KCNQ1: variants seen among roughly 807,000 people sequenced by gnomAD.
The protein encoded by KCNQ1 is potassium voltage-gated channel subfamily KQT member 1.
KCNQ1 carries 49 observed loss-of-function variants against 72.4 expected under a neutral mutation model. That is an observed-to-expected ratio of 0.68 (90% CI 0.54 to 0.86). The LOEUF (loss-of-function observed/expected upper bound fraction) is 0.86, where lower values mean the gene tolerates loss of function less well. Among genes scored for constraint, KCNQ1 ranks in the 40% least tolerant of loss-of-function variants. KCNQ1 has a pLI of 0.00. For missense variants in KCNQ1, 790 were observed against 945.1 expected (o/e 0.84, Z 2.15); for synonymous variants, 450 against 412.6 (o/e 1.09, Z -1.10).
At chr11:2,596,589 C>CAA (rs113199425) in intron 10 of KCNQ1, among the ~76,000 whole-genome samples, 3 of 127,416 alleles carry the variant, frequency 2.4e-5, no homozygotes, top group African/African-American at 5.7e-5. Context: ...AGAAGCCAGA[C>CAA]AAAAAAAAAA....
intron 10 of KCNQ1, chr11:2,625,520 C>T (rs1458358175): frequency 1.3e-5 from 5 of 397,342 alleles, no homozygotes; most frequent in South Asian, 1.3e-4. Flanking sequence ...CAACTTTTCA[C>T]GTACTATTAT....
Position 2,781,971 on chromosome 11 carries a change from A to G in KCNQ1, c.1794+3934A>G, listed in dbSNP as rs1392530193. 1.3e-5 allele frequency among the ~76,000 whole-genome samples: 2 copies of G among 152,050 alleles called. No homozygotes were observed. The highest frequency in any genetic ancestry group is 2.9e-5 in the Non-Finnish European group (2 of 67,984). On this transcript the variant is annotated intron_variant, in intron 15 of 15. Coordinates refer to ENST00000155840, the MANE Select transcript of KCNQ1 (RefSeq NM_000218.3). This position sits in a 1 kb window ranked among gnomAD's most constrained non-coding sequence, Gnocchi z 6.6. Reference sequence around the variant, plus strand: ...GGACTCCCAAAACCACACCCTGCCCATGCCTTTACCAAGCTTCGTGCATGA... The same window carrying G: ...GGACTCCCAAAACCACACCCTGCCCGTGCCTTTACCAAGCTTCGTGCATGA...
At chr11:2,590,210 A>G (rs1589970438) in intron 10 of KCNQ1, among the ~76,000 whole-genome samples, 1 of 152,192 alleles carries the variant, frequency 6.6e-6, no homozygotes, top group East Asian at 1.9e-4. Context: ...TTGTCTTCCC[A>G]GGAGAAAACA....
In KCNQ1 at chr11:2,536,442, A is replaced by G. The variant is rs1204561074; in HGVS notation, c.477+8424A>G. Among the ~76,000 whole-genome samples the G allele has an allele frequency of 6.6e-6, 1 of 151,974 alleles. No individual in the cohort carries two copies. The highest frequency in any genetic ancestry group is 1.9e-4 in the East Asian group (1 of 5,140). ...GGAGGCTGGCGCTGCCCTGCCCCACAGGGTGGCTGGCAGGGCTCAGCAGTT... is the reference window on the plus strand; with the variant it reads ...GGAGGCTGGCGCTGCCCTGCCCCACGGGGTGGCTGGCAGGGCTCAGCAGTT... On this transcript the variant is annotated intron_variant, in intron 2 of 15. Transcript: ENST00000155840. This position sits in a 1 kb window ranked among gnomAD's most constrained non-coding sequence, Gnocchi z 7.4.
chr11:2,754,009 C>G (rs965862121), intron 11 of KCNQ1, among the ~76,000 whole-genome samples: 7 of 152,176 alleles, frequency 4.6e-5, no homozygotes, highest in Non-Finnish European at 8.8e-5. Flanking sequence ...AGGACTTGAG[C>G]AGACATTTCT....
intron 1 of KCNQ1, among the ~76,000 whole-genome samples, chr11:2,485,315 G>A (rs1206081088): frequency 6.6e-6 from 1 of 151,994 alleles, no homozygotes; most frequent in Non-Finnish European, 1.5e-5. Flanking sequence ...AGTGTCCTCA[G>A]AGGAGAGCCA....
At chr11:2,756,981 A>AAAAAAAAAAAAAAAAAC (rs58902386) in intron 11 of KCNQ1, among the ~76,000 whole-genome samples, 2 of 115,176 alleles carry the variant, frequency 1.7e-5, no homozygotes. Context: ...AAAAAAAAAA[A>AAAAAAAAAAAAAAAAAC]CCCACAGCTA....
rs182087992 is a variant in KCNQ1, at chr11:2,826,143, G to C, written c.1795-21624G>C. Among the ~76,000 whole-genome samples the C allele has an allele frequency of 6.6e-6, 1 of 152,262 alleles. No homozygotes were observed. The highest frequency in any genetic ancestry group is 1.9e-4 in the East Asian group (1 of 5,194). ...ATGCCAATGTCTTGAGTAATTATTG[G>C]GGGGCGGGGGCTGTCCAGCCCGCAG... On this transcript the variant is annotated intron_variant, in intron 15 of 15. Coordinates refer to ENST00000155840, the MANE Select transcript of KCNQ1 (RefSeq NM_000218.3). This position sits in a 1 kb window ranked among gnomAD's most constrained non-coding sequence, Gnocchi z 4.2.
At chr11:2,733,792 A>ACACACACT (rs1845894301) in intron 11 of KCNQ1, among the ~76,000 whole-genome samples, 1 of 65,484 alleles carries the variant, frequency 1.5e-5, no homozygotes, top group Admixed American at 1.3e-4. Context: ...ACACACACAC[A>ACACACACT]CACACACACA....
chr11:2,685,753 G>A (rs1004509363), intron 11 of KCNQ1: 15 of 398,718 alleles, frequency 3.8e-5, no homozygotes, highest in African/African-American at 2.7e-4. Flanking sequence ...CAGCAGGCAG[G>A]CATCCTCCCA....
intron 11 of KCNQ1, among the ~76,000 whole-genome samples, chr11:2,765,602 C>T (rs1305721245): frequency 6.6e-6 from 1 of 152,190 alleles, no homozygotes; most frequent in East Asian, 1.9e-4. Flanking sequence ...CCACCATTTT[C>T]TCTTTTAGCT....
chr11:2,701,936 C>T (rs745695087), intron 11 of KCNQ1, among the ~76,000 whole-genome samples: 1 of 152,204 alleles, frequency 6.6e-6, no homozygotes. Flanking sequence ...AGATAGGAAA[C>T]GAGAGAGATT....
At chr11:2,555,168 G>C (rs914574854) in intron 2 of KCNQ1, among the ~76,000 whole-genome samples, 2 of 152,224 alleles carry the variant, frequency 1.3e-5, no homozygotes, top group African/African-American at 4.8e-5. Context: ...CTCTCCCCAA[G>C]TCAAAAGAAG....
chr11:2,733,814 A>ACACACACACACTCTCACTCTCTCT, intron 11 of KCNQ1, among the ~76,000 whole-genome samples: 1 of 86,660 alleles, frequency 1.2e-5, no homozygotes, highest in East Asian at 3.2e-4. Flanking sequence ...ACACACACAC[A>ACACACACACACTCTCACTCTCTCT]CTCTCTCACT....
chr11:2,599,002 C>T lies in KCNQ1; in HGVS notation c.1393+10148C>T, dbSNP rs1257329077. On this transcript the variant is annotated intron_variant, in intron 10 of 15. Coordinates refer to ENST00000155840, the MANE Select transcript of KCNQ1 (RefSeq NM_000218.3). This position sits in a 1 kb window ranked among gnomAD's most constrained non-coding sequence, Gnocchi z 4.7. ...CAGATCTGAATAGGGGCTATTCTTT[C>T]TTTTAGTGTCCTTAATGTTGTATTA... Among the ~76,000 whole-genome samples, 1 of 152,208 alleles carries T rather than the reference C, an allele frequency of 6.6e-6. No individual in the cohort carries two copies. Among genetic ancestry groups the T allele is most frequent in the Non-Finnish European group, 1.5e-5 (1 of 68,030 alleles).
In KCNQ1 at chr11:2,600,856, T is replaced by C. The variant is rs1397298521; in HGVS notation, c.1393+12002T>C. 6.6e-6 allele frequency among the ~76,000 whole-genome samples: 1 copy of C among 152,166 alleles called. No individual in the cohort carries two copies. Among genetic ancestry groups the C allele is most frequent in the Non-Finnish European group, 1.5e-5 (1 of 68,034 alleles). The stretch of plus-strand genomic sequence containing the variant: ...GCCACTTCTTGGGGGAGTCTGATGT[T>C]TCCTCAGGTTAGATCCACGTTGTGT... On this transcript the variant is annotated intron_variant, in intron 10 of 15. Coordinates refer to ENST00000155840, the MANE Select transcript of KCNQ1 (RefSeq NM_000218.3). This position sits in a 1 kb window ranked among gnomAD's most constrained non-coding sequence, Gnocchi z 5.6.
chr11:2,582,281 C>T (rs560749376), intron 6 of KCNQ1, among the ~76,000 whole-genome samples: 1 of 152,344 alleles, frequency 6.6e-6, no homozygotes, highest in East Asian at 1.9e-4. Flanking sequence ...GGCTTCTCCC[C>T]ACCCTCCCTC....
chr11:2,536,057 C>G lies in KCNQ1; in HGVS notation c.477+8039C>G, dbSNP rs969111831. On this transcript the variant is annotated intron_variant, in intron 2 of 15. Coordinates refer to ENST00000155840, the MANE Select transcript of KCNQ1 (RefSeq NM_000218.3). This position sits in a 1 kb window ranked among gnomAD's most constrained non-coding sequence, Gnocchi z 7.4. ...GGTCCAGCCTCACTGGCCACATGCTCTGCCGAGCACACCCGCTGCTGTCCC... is the reference window on the plus strand; with the variant it reads ...GGTCCAGCCTCACTGGCCACATGCTGTGCCGAGCACACCCGCTGCTGTCCC... Among the ~76,000 whole-genome samples the G allele has an allele frequency of 1.3e-5, 2 of 152,180 alleles. No individual in the cohort carries two copies. Among genetic ancestry groups the G allele is most frequent in the Non-Finnish European group, 2.9e-5 (2 of 68,012 alleles).
At chr11:2,644,752 C>T (rs1346501611) in intron 10 of KCNQ1, 2 of 398,446 alleles carry the variant, frequency 5.0e-6, no homozygotes, top group Non-Finnish European at 8.8e-6. Flanking sequence ...GGGCAGGGCA[C>T]TTTGGTTTTG....
Sources: allele counts gnomAD v4.1 joint callset (sites outside exome capture counted in the v4.1 genomes callset), GRCh38; gene constraint gnomAD v4.1.1; non-coding constraint Gnocchi (gnomAD v3.1); transcripts MANE v1.5; gene names NCBI Gene and HGNC (gene_info 2026-07-23, HGNC 2026-07-21).